Variants in ONECUT2 observed in about 807,000 individuals in gnomAD.
ONECUT2 encodes the protein one cut homeobox 2.
Under a neutral mutation model 27.9 loss-of-function variants are expected in ONECUT2, and 10 were observed. The observed-to-expected ratio is 0.36, with a 90% CI of 0.22 to 0.61. The LOEUF (loss-of-function observed/expected upper bound fraction) is 0.61, where lower values mean the gene tolerates loss of function less well. Among genes scored for constraint, ONECUT2 ranks in the 20% least tolerant of loss-of-function variants. ONECUT2 has a pLI of 0.73. For synonymous variants in ONECUT2, 334 were observed against 315.1 expected (o/e 1.06, Z -0.64); for missense variants, 686 against 721.0 (o/e 0.95, Z 0.56).
At chr18:57,470,648 G>A (rs1286950845) in intron 1 of ONECUT2, among the ~76,000 whole-genome samples, 1 of 152,166 alleles carries the variant, frequency 6.6e-6, no homozygotes, top group Non-Finnish European at 1.5e-5. Context: ...GTGCCTTGAA[G>A]AGCTAACACC....
Position 57,486,383 on chromosome 18 carries a change from G to A in ONECUT2, c.*9660G>A, listed in dbSNP as rs1481363520. On this transcript the variant is annotated 3_prime_UTR_variant, in exon 2 of 2. Transcript: ENST00000491143. ...AACAAGATTTGTACTAATACCAAAG[G>A]TTCTTTCTCTATGTCTCCTCCTCTG... 6.6e-6 allele frequency: 1 copy of A among 152,532 alleles called. No homozygotes were observed. Among genetic ancestry groups the A allele is most frequent in the East Asian group, 1.9e-4 (1 of 5,192 alleles). 9.4% of individuals were successfully genotyped at this position (152,532 alleles called of 1,614,324 possible). A position where few individuals can be genotyped will look rare whatever the true frequency, so the allele number is the denominator to read the frequency against.
intron 1 of ONECUT2, among the ~76,000 whole-genome samples, chr18:57,457,042 G>A (rs1328160746): frequency 6.6e-6 from 1 of 152,142 alleles, no homozygotes; most frequent in Non-Finnish European, 1.5e-5. Context: ...TTCTTTTGGA[G>A]TATATACTCA....
At chr18:57,474,211 G>A (rs930651128) in intron 1 of ONECUT2, among the ~76,000 whole-genome samples, 1 of 152,106 alleles carries the variant, frequency 6.6e-6, no homozygotes, top group African/African-American at 2.4e-5. Context: ...CCCTTTGAGA[G>A]TATCAGTGCA....
rs189750837 is a variant in ONECUT2, at chr18:57,488,077, A to G, written c.*11354A>G. 8.1e-4 allele frequency: 123 copies of G among 152,638 alleles called. No homozygotes were observed. The highest frequency in any genetic ancestry group is 2.9e-3 in the African/African-American group (121 of 41,596). 9.5% of individuals were successfully genotyped at this position (152,638 alleles called of 1,614,324 possible). On this transcript the variant is annotated 3_prime_UTR_variant, in exon 2 of 2. Transcript: ENST00000491143. ...AGTGTAGCATTCATATTATCTGTCAATGAGGGTATATTGGGAACGTGCTCT... is the reference window on the plus strand; with the variant it reads ...AGTGTAGCATTCATATTATCTGTCAGTGAGGGTATATTGGGAACGTGCTCT...
At position 57,486,895 on chromosome 18, in the gene ONECUT2, G is replaced by A. The variant is rs2050441487; in HGVS notation, c.*10172G>A. On this transcript the variant is annotated 3_prime_UTR_variant, in exon 2 of 2. Coordinates refer to ENST00000491143, the MANE Select transcript of ONECUT2 (RefSeq NM_004852.3). ...TGTTAACAGTGTAGTATTATGATTA[G>A]CAACTGCCAATCAGTGCTATAATTT... 1.3e-5 allele frequency: 2 copies of A among 152,628 alleles called. No individual in the cohort carries two copies. The highest frequency in any genetic ancestry group is 4.8e-5 in the African/African-American group (2 of 41,440). The allele number at this position is 152,628 out of a possible 1,614,324, so 9.5% of individuals were successfully genotyped here.
At chr18:57,447,323 A>G (rs2050205480) in intron 1 of ONECUT2, among the ~76,000 whole-genome samples, 1 of 152,094 alleles carries the variant, frequency 6.6e-6, no homozygotes, top group African/African-American at 2.4e-5. Context: ...GTTTGAGCGA[A>G]TTGGAGATGG....
At chr18:57,449,451 A>G (rs888720554) in intron 1 of ONECUT2, among the ~76,000 whole-genome samples, 3 of 152,266 alleles carry the variant, frequency 2.0e-5, no homozygotes, top group Non-Finnish European at 4.4e-5. Flanking sequence ...GAAGCATTTC[A>G]CAATGTCAAG....
rs915628151 is a variant in ONECUT2, at chr18:57,476,699, C to T, written c.1491C>T (p.Thr497=). 2.5e-6 allele frequency: 4 copies of T among 1,613,992 alleles called. No homozygotes were observed. In the African/African-American group the frequency reaches 5.3e-5, roughly 22 times the overall value. ...TGAGCACAGGGGGCTCCTCGTCCAC[C>T]TCCAGCACGTGTACCAAAGCATGAT... ...DDLSTGGSSS[T]SSTCTKA The change falls in exon 2 of 2, where the codon ACC becomes ACT. Residue 497 remains threonine, a synonymous_variant. Transcript: ENST00000491143.
rs768608801 is a variant in ONECUT2 at position 57,436,433 on chromosome 18, C to T, written c.717C>T (p.Leu239=). 6.2e-7 allele frequency: 1 copy of T among 1,612,534 alleles called. No homozygotes were observed. Among genetic ancestry groups the T allele is most frequent in the Non-Finnish European group, 8.5e-7 (1 of 1,179,876 alleles). Residue 239 remains leucine (L), a synonymous_variant, in exon 1 of 2, where the codon CTC becomes CTT. Coordinates refer to ENST00000491143, the MANE Select transcript of ONECUT2 (RefSeq NM_004852.3). This position sits in a 1 kb window ranked among gnomAD's most constrained non-coding sequence, Gnocchi z 5.9. ...CGCTGGGCAACGGGCTAGGCGGCCTCCACAACGCGCAGCAGAGTCTGCCCA... is the reference window on the plus strand; with the variant it reads ...CGCTGGGCAACGGGCTAGGCGGCCTTCACAACGCGCAGCAGAGTCTGCCCA... ...ATPLGNGLGG[L]HNAQQSLPNY...
At chr18:57,476,298 C>A in intron 1 of ONECUT2, 139 bp from the exon 2 acceptor site, 1 of 811,328 alleles carries the variant, frequency 1.2e-6, no homozygotes, top group Non-Finnish European at 1.9e-6. Context: ...ACAGGGAAGG[C>A]TGGTTATTGA....
chr18:57,465,840 G>A (rs1485756370), intron 1 of ONECUT2, among the ~76,000 whole-genome samples: 1 of 152,188 alleles, frequency 6.6e-6, no homozygotes. Context: ...ATCGCCAGTT[G>A]ATACACCTAA....
intron 1 of ONECUT2, among the ~76,000 whole-genome samples, chr18:57,458,496 G>A (rs983092954): frequency 5.3e-5 from 8 of 152,184 alleles, no homozygotes; most frequent in African/African-American, 1.9e-4. Context: ...TCATTCCAAA[G>A]CTCCTTCTTT....
chr18:57,467,127 A>G (rs75667305), intron 1 of ONECUT2: 22,928 of 455,992 alleles, frequency 0.05, 2,118 homozygotes, highest in East Asian at 0.37. Context: ...GAAAGTAAAA[A>G]TAGAGACAGG....
At chr18:57,462,309 C>T (rs74986070) in intron 1 of ONECUT2, among the ~76,000 whole-genome samples, 6,754 of 152,264 alleles carry the variant, frequency 0.044, 582 homozygotes, top group East Asian at 0.36. Context: ...TGGATTCAGG[C>T]CCTGTGGCAG....
Position 57,435,854 on chromosome 18 carries a change from GGGCGGCGGGGGCGGC to G in ONECUT2, c.144_158del (p.Gly50_Gly54del). 9.9e-7 allele frequency: 1 copy of G among 1,006,304 alleles called. No individual in the cohort carries two copies. The highest frequency in any genetic ancestry group is 1.2e-6 in the Non-Finnish European group (1 of 842,782). 62.3% of individuals were successfully genotyped at this position (1,006,304 alleles called of 1,614,324 possible). A position where few individuals can be genotyped will look rare whatever the true frequency, so the allele number is the denominator to read the frequency against. ...GCGGCAGTGGCGGGGGCGGCGGCGG[GGGCGGCGGGGGCGGC>G]GGCGGGGGCCCGGGCCATGAGCAGG... On this transcript the variant is annotated inframe_deletion, in exon 1 of 2. Coordinates refer to ENST00000491143, the MANE Select transcript of ONECUT2 (RefSeq NM_004852.3).
rs764500843 is a variant in ONECUT2, at chr18:57,436,464, G to A, written c.748G>A (p.Gly250Ser). 1 of 1,612,976 alleles carries A rather than the reference G, an allele frequency of 6.2e-7. No homozygotes were observed. Among genetic ancestry groups the A allele is most frequent in the Non-Finnish European group, 8.5e-7 (1 of 1,179,828 alleles). ...HNAQQSLPNY[G>S]PPGHDKMLSP... ...CGCGCAGCAGAGTCTGCCCAACTAC[G>A]GTCCGCCGGGCCACGACAAAATGCT... is the stretch of plus-strand genomic sequence containing the variant. The change falls in exon 1 of 2, where the codon GGT becomes AGT. Residue 250 changes from glycine (G) to serine (S), a missense_variant. Transcript: ENST00000491143. The surrounding 1 kb of genome is among the most constrained non-coding windows in gnomAD (Gnocchi z 5.9).
At chr18:57,465,530 A>C (rs780353161) in intron 1 of ONECUT2, among the ~76,000 whole-genome samples, 30 of 152,042 alleles carry the variant, frequency 2.0e-4, no homozygotes, top group Non-Finnish European at 4.0e-4. Flanking sequence ...CTTCTTAATA[A>C]TTTTCTGTTC....
chr18:57,483,601 G>A lies in ONECUT2; in HGVS notation c.*6878G>A, dbSNP rs1222177854. 3.9e-5 allele frequency: 6 copies of A among 152,506 alleles called. No individual in the cohort carries two copies. The highest frequency in any genetic ancestry group is 1.4e-4 in the African/African-American group (6 of 41,392). The allele number at this position is 152,506 out of a possible 1,614,324, so 9.4% of individuals were successfully genotyped here. ...ATTTATCAAAACCTAGACCAATGGT[G>A]CATCAGAGATGCAAAATTCTACTTG... On this transcript the variant is annotated 3_prime_UTR_variant, in exon 2 of 2. Transcript: ENST00000491143.
At chr18:57,438,575 G>T (rs1001147063) in intron 1 of ONECUT2, among the ~76,000 whole-genome samples, 1 of 152,224 alleles carries the variant, frequency 6.6e-6, no homozygotes, top group South Asian at 2.1e-4. Context: ...CTTGGGGAGG[G>T]GGAGTTTCCG....
Sources: allele counts gnomAD v4.1 joint callset (sites outside exome capture counted in the v4.1 genomes callset), GRCh38; gene constraint gnomAD v4.1.1; non-coding constraint Gnocchi (gnomAD v3.1); transcripts MANE v1.5; gene names NCBI Gene and HGNC (gene_info 2026-07-23, HGNC 2026-07-21).